The following RIMS2 variants were observed in gnomAD, a reference collection of about 807,000 sequenced individuals.
RIMS2 encodes the protein regulating synaptic membrane exocytosis 2.
A neutral mutation model predicts 174.4 loss-of-function variants in RIMS2; 59 were observed. That is an observed-to-expected ratio of 0.34 (90% CI 0.27 to 0.42). The LOEUF is 0.42. Among genes scored for constraint, RIMS2 ranks in the 10% least tolerant of loss-of-function variants. The probability of loss-of-function intolerance (pLI) is 1.00; values close to 1 mark genes in which losing one functional copy is unlikely to be tolerated. For missense variants in RIMS2, 1,620 were observed against 1,666.3 expected (o/e 0.97, Z 0.48); for synonymous variants, 606 against 572.5 (o/e 1.06, Z -0.84).
intron 19 of RIMS2, among the ~76,000 whole-genome samples, chr8:104,118,847 C>T (rs2098326851): frequency 6.6e-6 from 1 of 152,118 alleles, no homozygotes; most frequent in East Asian, 1.9e-4. Flanking sequence ...GTTGTGTCTT[C>T]ACGTGGCAGA....
intron 1 of RIMS2, among the ~76,000 whole-genome samples, chr8:103,522,366 C>T (rs1362385533): frequency 6.6e-6 from 1 of 151,964 alleles, no homozygotes; most frequent in Non-Finnish European, 1.5e-5. Flanking sequence ...AACAATTCTT[C>T]GAGGATATAG....
At chr8:103,983,076 T>A (rs1012552879) in intron 16 of RIMS2, among the ~76,000 whole-genome samples, 1 of 152,094 alleles carries the variant, frequency 6.6e-6, no homozygotes, top group African/African-American at 2.4e-5. Flanking sequence ...ACATAAAAAA[T>A]CAGTAGCATT....
intron 3 of RIMS2, among the ~76,000 whole-genome samples, chr8:103,787,765 C>T (rs1365601206): frequency 3.3e-5 from 5 of 151,646 alleles, no homozygotes; most frequent in Non-Finnish European, 5.9e-5. Context: ...TTGCTCTTCT[C>T]AAGGAGTATC....
intron 19 of RIMS2, among the ~76,000 whole-genome samples, chr8:104,065,051 A>G (rs906981594): frequency 6.6e-6 from 1 of 152,046 alleles, no homozygotes; most frequent in African/African-American, 2.4e-5. Flanking sequence ...CATTTTTCAA[A>G]CTTTTTATTT....
At chr8:103,500,625 T>G, upstream of RIMS2, 1 of 417,698 alleles carries the variant, frequency 2.4e-6, no homozygotes, top group East Asian at 4.0e-5. Flanking sequence ...CCCTTTCCCT[T>G]GAACCGCTCA....
At chr8:103,880,835 A>T (rs2099163864) in intron 3 of RIMS2, 2 of 368,634 alleles carry the variant, frequency 5.4e-6, no homozygotes, top group Non-Finnish European at 4.8e-6. Context: ...TTACAGGATT[A>T]TATACTTCTG....
intron 19 of RIMS2, among the ~76,000 whole-genome samples, chr8:104,079,685 T>C (rs1225106624): frequency 2.1e-5 from 3 of 144,586 alleles, no homozygotes; most frequent in Non-Finnish European, 4.5e-5. Context: ...TGAAAACATA[T>C]ATACCTTCTG....
intron 1 of RIMS2, among the ~76,000 whole-genome samples, chr8:103,610,269 A>G (rs1049860907): frequency 6.6e-6 from 1 of 152,152 alleles, no homozygotes; most frequent in Non-Finnish European, 1.5e-5. Context: ...GAACTATGTC[A>G]TATGCAAAGG....
chr8:104,054,007 A>T (rs1234992096), intron 19 of RIMS2, among the ~76,000 whole-genome samples: 1 of 152,128 alleles, frequency 6.6e-6, no homozygotes, highest in Admixed American at 6.6e-5. Context: ...TGTATTTAAC[A>T]TCCTCAATGT....
chr8:104,015,870 T>C (rs1173215584), intron 19 of RIMS2, among the ~76,000 whole-genome samples: 1 of 152,116 alleles, frequency 6.6e-6, no homozygotes, highest in Non-Finnish European at 1.5e-5. Flanking sequence ...TATGATGATG[T>C]TTTTAATTAT....
intron 15 of RIMS2, among the ~76,000 whole-genome samples, chr8:103,970,150 G>A (rs2092699654): frequency 6.6e-6 from 1 of 152,168 alleles, no homozygotes; most frequent in Non-Finnish European, 1.5e-5. Context: ...GTGCTGGTAA[G>A]GTCGGGGAAG....
chr8:103,892,255 G>A (rs2099250780), intron 4 of RIMS2, among the ~76,000 whole-genome samples: 1 of 151,372 alleles, frequency 6.6e-6, no homozygotes, highest in Non-Finnish European at 1.5e-5. Flanking sequence ...CCAGGCTGGA[G>A]TGCAGTGGCT....
At chr8:103,931,975 T>C (rs2080056643) in intron 12 of RIMS2, among the ~76,000 whole-genome samples, 1 of 152,150 alleles carries the variant, frequency 6.6e-6, no homozygotes, top group Non-Finnish European at 1.5e-5. Context: ...GTTCTACCCT[T>C]ATTTTTTTTT....
intron 19 of RIMS2, among the ~76,000 whole-genome samples, chr8:104,061,477 A>C (rs532266162): frequency 6.6e-6 from 1 of 152,074 alleles, no homozygotes; most frequent in East Asian, 1.9e-4. Context: ...GTTGTGTAAA[A>C]TTTATAAATC....
chr8:103,933,335 A>ACACACACACACACACAC (rs1565391131), intron 12 of RIMS2, among the ~76,000 whole-genome samples: 1 of 130,898 alleles, frequency 7.6e-6, no homozygotes, highest in African/African-American at 3.8e-5. Flanking sequence ...ACACACACAC[A>ACACACACACACACACAC]ATTAGCCAGG....
At chr8:103,950,463 C>T (rs922955427) in intron 14 of RIMS2, among the ~76,000 whole-genome samples, 43 of 151,960 alleles carry the variant, frequency 2.8e-4, no homozygotes, top group Admixed American at 2.2e-3. Flanking sequence ...TTTTATACCA[C>T]GGATGCAATG....
chr8:104,154,989 AAAG>A (rs1436633555), intron 19 of RIMS2, among the ~76,000 whole-genome samples: 1 of 152,198 alleles, frequency 6.6e-6, no homozygotes, highest in Non-Finnish European at 1.5e-5. Flanking sequence ...AAAAAACAAA[AAAG>A]AAATTAAACT....
chr8:104,006,764 CA>C (rs1459266260), intron 17 of RIMS2, among the ~76,000 whole-genome samples: 4 of 151,446 alleles, frequency 2.6e-5, no homozygotes, highest in Non-Finnish European at 1.5e-5. Context: ...TAACCTTCTA[CA>C]ATTTGACCTC....
chr8:103,813,045 G>C (rs1469408727), intron 3 of RIMS2, among the ~76,000 whole-genome samples: 1 of 152,082 alleles, frequency 6.6e-6, no homozygotes, highest in Non-Finnish European at 1.5e-5. Context: ...TAGCATTTCA[G>C]GGATTTTTGT....
Sources: allele counts gnomAD v4.1 joint callset (sites outside exome capture counted in the v4.1 genomes callset), GRCh38; gene constraint gnomAD v4.1.1; transcripts MANE v1.5; gene names NCBI Gene and HGNC (gene_info 2026-07-23, HGNC 2026-07-21).